Variants in TASP1 observed in about 807,000 individuals in gnomAD.
TASP1 encodes the protein taspase 1, also known as threonine aspartase 1.
TASP1 carries 16 observed loss-of-function variants against 56.6 expected under a neutral mutation model. The ratio of observed to expected loss-of-function variants is 0.28; its 90% confidence interval spans 0.19 to 0.43. TASP1 has a LOEUF of 0.43. Ranked by LOEUF, TASP1 falls within the 20% of genes least tolerant of loss-of-function variation. The pLI, the probability that TASP1 is intolerant of heterozygous loss-of-function variation, is 1.00. For synonymous variants in TASP1, 179 were observed against 184.2 expected (o/e 0.97, Z 0.23); for missense variants, 393 against 511.6 (o/e 0.77, Z 2.24).
chr20:13,265,072 T>G, the TASP1 span, among the ~76,000 whole-genome samples: 2 of 152,198 alleles, frequency 1.3e-5, no homozygotes, highest in Non-Finnish European at 2.9e-5. Context: ...TATTTAACTC[T>G]GTTATTTCAT....
the TASP1 span, among the ~76,000 whole-genome samples, chr20:13,221,270 T>C: frequency 9.4e-3 from 734 of 78,390 alleles, 11 homozygotes; most frequent in African/African-American, 0.031. Flanking sequence ...TCCTTCTCCT[T>C]CTCCTCCTCC....
chr20:13,248,498 CA>C, the TASP1 span, among the ~76,000 whole-genome samples: 1 of 152,154 alleles, frequency 6.6e-6, no homozygotes, highest in Non-Finnish European at 1.5e-5. Flanking sequence ...TTGAGTGTAG[CA>C]AAAGCATTCT....
intron 5 of TASP1, among the ~76,000 whole-genome samples, chr20:13,586,243 G>A (rs112408203): frequency 8.0e-5 from 12 of 149,410 alleles, no homozygotes; most frequent in African/African-American, 3.0e-4. Context: ...AATATTCACT[G>A]AAGCTTTACT....
chr20:13,258,927 A>C, the TASP1 span, among the ~76,000 whole-genome samples: 1 of 152,050 alleles, frequency 6.6e-6, no homozygotes, highest in East Asian at 1.9e-4. Flanking sequence ...CCTCTTAAAG[A>C]AGGTGAGAGA....
At chr20:13,160,285 G>A in the TASP1 span, among the ~76,000 whole-genome samples, 5 of 152,170 alleles carry the variant, frequency 3.3e-5, no homozygotes, top group East Asian at 1.9e-4. Context: ...ACAAGAGCTC[G>A]TCAACAACAG....
At chr20:13,400,096 T>C (rs2041682285) in intron 13 of TASP1, among the ~76,000 whole-genome samples, 1 of 152,202 alleles carries the variant, frequency 6.6e-6, no homozygotes, top group African/African-American at 2.4e-5. Flanking sequence ...ATCACAAACA[T>C]AGTATAGGCC....
chr20:13,378,021 C>T, the TASP1 span, among the ~76,000 whole-genome samples: 1 of 152,052 alleles, frequency 6.6e-6, no homozygotes, highest in Non-Finnish European at 1.5e-5. Flanking sequence ...TTTCAAATAA[C>T]CCGCTCCTGG....
chr20:13,372,483 T>A, the TASP1 span, among the ~76,000 whole-genome samples: 1 of 151,706 alleles, frequency 6.6e-6, no homozygotes, highest in Non-Finnish European at 1.5e-5. Context: ...AATCCTTATT[T>A]TATATATATA....
the TASP1 span, among the ~76,000 whole-genome samples, chr20:13,324,188 AC>A: frequency 6.6e-6 from 1 of 152,222 alleles, no homozygotes; most frequent in African/African-American, 2.4e-5. Context: ...CCTGTTTACA[AC>A]AAGTGGCTGT....
the TASP1 span, among the ~76,000 whole-genome samples, chr20:13,186,144 AG>A: frequency 1.3e-5 from 2 of 152,172 alleles, no homozygotes; most frequent in African/African-American, 4.8e-5. Flanking sequence ...CAGTCTTAGA[AG>A]GGGGCCAGAT....
chr20:13,505,078 G>GA (rs1299812288), intron 10 of TASP1, among the ~76,000 whole-genome samples: 1 of 151,908 alleles, frequency 6.6e-6, no homozygotes, highest in African/African-American at 2.4e-5. Flanking sequence ...ATGAAGGGAT[G>GA]AAAAAAAGAT....
chr20:13,295,949 C>T, the TASP1 span, among the ~76,000 whole-genome samples: 29 of 152,372 alleles, frequency 1.9e-4, no homozygotes, highest in South Asian at 8.3e-4. Flanking sequence ...GGCTGTCACA[C>T]GGCCCTGACA....
chr20:13,174,892 T>C, the TASP1 span, among the ~76,000 whole-genome samples: 105 of 152,276 alleles, frequency 6.9e-4, no homozygotes, highest in Middle Eastern at 3.4e-3. Context: ...AATTGAATCA[T>C]GGGGGCAGTA....
At chr20:13,612,959 T>C (rs954089924) in intron 4 of TASP1, among the ~76,000 whole-genome samples, 3 of 152,162 alleles carry the variant, frequency 2.0e-5, no homozygotes, top group African/African-American at 7.2e-5. Flanking sequence ...TATTTTAGGA[T>C]ATAGAGGATG....
chr20:13,430,234 G>T (rs1257021185), intron 12 of TASP1, among the ~76,000 whole-genome samples: 1 of 152,206 alleles, frequency 6.6e-6, no homozygotes, highest in Non-Finnish European at 1.5e-5. Context: ...AAGTTTATTA[G>T]TTATCTACTG....
chr20:13,164,825 T>C, the TASP1 span: 13 of 1,613,678 alleles, frequency 8.1e-6, no homozygotes, highest in East Asian at 2.9e-4. Flanking sequence ...AGTCAGCACG[T>C]CCTGAGCTCT....
intron 13 of TASP1, among the ~76,000 whole-genome samples, chr20:13,416,409 C>T (rs563090494): frequency 6.6e-6 from 1 of 152,192 alleles, no homozygotes; most frequent in Non-Finnish European, 1.5e-5. Context: ...AAAATTTTCA[C>T]AATATAAGTC....
chr20:13,161,288 T>C, the TASP1 span, among the ~76,000 whole-genome samples: 3 of 151,652 alleles, frequency 2.0e-5, no homozygotes, highest in East Asian at 5.8e-4. Flanking sequence ...TCAATGGGAG[T>C]GGGGGAATAG....
chr20:13,425,016 G>T (rs1489252468), intron 12 of TASP1, among the ~76,000 whole-genome samples: 1 of 152,142 alleles, frequency 6.6e-6, no homozygotes, highest in Non-Finnish European at 1.5e-5. Context: ...CTGCACGTGT[G>T]CACTTCATAA....
Sources: allele counts gnomAD v4.1 joint callset (sites outside exome capture counted in the v4.1 genomes callset), GRCh38; gene constraint gnomAD v4.1.1; transcripts MANE v1.5; gene names NCBI Gene and HGNC (gene_info 2026-07-23, HGNC 2026-07-21).